The following NME5 variants were observed in gnomAD, a reference collection of about 807,000 sequenced individuals.
The protein encoded by NME5 is nucleoside diphosphate kinase 5.
In NME5, 18 loss-of-function variants were observed where a neutral mutation model predicts 21.6. That is an observed-to-expected ratio of 0.83 (90% CI 0.58 to 1.24). The LOEUF is 1.24. Among genes scored for constraint, NME5 ranks in the 50% most tolerant of loss-of-function variants. The probability of loss-of-function intolerance (pLI) is 0.00; values close to 1 mark genes in which losing one functional copy is unlikely to be tolerated. For synonymous variants in NME5, 70 were observed against 80.6 expected, an observed-to-expected ratio of 0.87 and a Z score of 0.71; for missense variants, 223 against 255.4, an observed-to-expected ratio of 0.87 and a Z score of 0.86.
chr5:138,115,467 G>A lies in NME5; in HGVS notation c.*214C>T. On this transcript the variant is annotated 3_prime_UTR_variant, in exon 6 of 6. Coordinates refer to ENST00000265191, the MANE Select transcript of NME5 (RefSeq NM_003551.3). Reference sequence around the variant, plus strand: ...TCTTACATGAGTTTTCCATTACCTAGTGTTACATCATTGTTAAAATCATAC... The same window carrying A: ...TCTTACATGAGTTTTCCATTACCTAATGTTACATCATTGTTAAAATCATAC... 1 of 363,690 alleles carries A rather than the reference G, an allele frequency of 2.7e-6. No individual in the cohort carries two copies. Among genetic ancestry groups the A allele is most frequent in the Non-Finnish European group, 4.9e-6 (1 of 204,526 alleles). The allele number at this position is 363,690 out of a possible 1,614,324, so 22.5% of individuals were successfully genotyped here.
chr5:138,123,130 TAAG>T (rs1751324643), intron 4 of NME5: 1 of 152,186 alleles, frequency 6.6e-6, no homozygotes, highest in South Asian at 2.1e-4. Context: ...TTTTAATAGA[TAAG>T]AAATATTGTA....
intron 4 of NME5, among the ~76,000 whole-genome samples, chr5:138,124,298 C>T (rs944882347): frequency 5.3e-5 from 8 of 151,830 alleles, no homozygotes; most frequent in African/African-American, 2.4e-5. Context: ...CCACCACACC[C>T]GGCCTTAAGC....
At chr5:138,121,065 A>G (rs1751276155) in intron 4 of NME5, among the ~76,000 whole-genome samples, 1 of 152,002 alleles carries the variant, frequency 6.6e-6, no homozygotes, top group South Asian at 2.1e-4. Context: ...AGTGGTTCAC[A>G]CTTGTAGTCC....
chr5:138,124,375 C>T (rs1751354014), intron 4 of NME5, among the ~76,000 whole-genome samples: 1 of 152,004 alleles, frequency 6.6e-6, no homozygotes, highest in African/African-American at 2.4e-5. Flanking sequence ...AAGTCCTTTG[C>T]CCATTTTTTA....
At chr5:138,133,169 C>T (rs1023061861) in intron 2 of NME5, among the ~76,000 whole-genome samples, 4 of 151,242 alleles carry the variant, frequency 2.6e-5, no homozygotes, top group African/African-American at 7.3e-5. Context: ...GGCGCGATCT[C>T]GGCTCACTGC....
chr5:138,138,255 G>T (rs1751756826), intron 2 of NME5: 1 of 158,510 alleles, frequency 6.3e-6, no homozygotes. Flanking sequence ...ATATTACACA[G>T]AAATTAGGAA....
intron 2 of NME5, among the ~76,000 whole-genome samples, chr5:138,130,403 CAT>C (rs1751533775): frequency 6.6e-6 from 1 of 152,082 alleles, no homozygotes; most frequent in Admixed American, 6.6e-5. Context: ...AAAAAAGTAA[CAT>C]GTAGTATAAT....
chr5:138,138,326 T>A (rs561862821), intron 2 of NME5: 1 of 233,562 alleles, frequency 4.3e-6, no homozygotes, highest in South Asian at 5.9e-5. Flanking sequence ...TGTAAAGGGG[T>A]CAAGGGAAAG....
chr5:138,128,432 C>T, intron 4 of NME5, 47 bp downstream of exon 4: 1 of 1,353,754 alleles, frequency 7.4e-7, no homozygotes, highest in Non-Finnish European at 1.0e-6. Context: ...AAAGAAAAAG[C>T]AAACAATAAG....
intron 2 of NME5, 60 bp from the exon 3 acceptor site, chr5:138,129,528 A>G: frequency 8.3e-7 from 1 of 1,202,994 alleles, no homozygotes; most frequent in Non-Finnish European, 1.2e-6. Context: ...ATAGCTCATT[A>G]AAATCATTAG....
At chr5:138,118,209 T>C (rs1751204940) in intron 5 of NME5, among the ~76,000 whole-genome samples, 1 of 150,854 alleles carries the variant, frequency 6.6e-6, no homozygotes, top group Non-Finnish European at 1.5e-5. Flanking sequence ...CACTGCAAGC[T>C]CCGCCTCCTG....
chr5:138,132,369 T>G (rs1029342530), intron 2 of NME5, among the ~76,000 whole-genome samples: 1 of 151,962 alleles, frequency 6.6e-6, no homozygotes, highest in African/African-American at 2.4e-5. Context: ...AAAAAATTAT[T>G]TATTACTGCT....
intron 2 of NME5, chr5:138,138,238 C>T (rs1298939284): frequency 6.4e-6 from 1 of 157,110 alleles, no homozygotes. Context: ...TTCTAATACA[C>T]AGGGAAATAT....
Position 138,118,941 on chromosome 5 carries a change from A to C in NME5, c.437-5T>G, listed in dbSNP as rs1751224212. ...TTGGAATGGGCTCAACAATCACTGCAAATACAAATGTATTCTCATTGATGC... is the reference window on the plus strand; with the variant it reads ...TTGGAATGGGCTCAACAATCACTGCCAATACAAATGTATTCTCATTGATGC... On this transcript the variant is annotated splice_polypyrimidine_tract_variant and splice_region_variant and intron_variant, in intron 4 of 5. Transcript: ENST00000265191. The C allele has an allele frequency of 6.9e-7, 1 of 1,455,146 alleles. No homozygotes were observed. Among genetic ancestry groups the C allele is most frequent in the African/African-American group, 1.4e-5 (1 of 71,782 alleles). 90.1% of individuals were successfully genotyped at this position (1,455,146 alleles called of 1,614,324 possible).
intron 4 of NME5, among the ~76,000 whole-genome samples, chr5:138,119,835 T>C (rs1414608986): frequency 6.6e-6 from 1 of 152,034 alleles, no homozygotes; most frequent in East Asian, 1.9e-4. Flanking sequence ...TATTTAGACA[T>C]AGGAGTTCTT....
chr5:138,120,099 CT>C (rs924867070), intron 4 of NME5, among the ~76,000 whole-genome samples: 3 of 150,662 alleles, frequency 2.0e-5, no homozygotes, highest in Non-Finnish European at 4.4e-5. Context: ...CCACACCCAG[CT>C]TTTTTTTTCT....
chr5:138,131,481 A>T (rs1346206862), intron 2 of NME5, among the ~76,000 whole-genome samples: 1 of 151,632 alleles, frequency 6.6e-6, no homozygotes, highest in Non-Finnish European at 1.5e-5. Flanking sequence ...CCCAGGAGGC[A>T]GAAGTTGTGG....
Position 138,121,244 on chromosome 5 carries a change from G to A in NME5, c.437-2308C>T, listed in dbSNP as rs191762365. Among the ~76,000 whole-genome samples the A allele has an allele frequency of 4.6e-3, 703 of 151,952 alleles. 3 individuals are homozygous for A. Among genetic ancestry groups the A allele is most frequent in the Non-Finnish European group, 7.5e-3 (509 of 67,972 alleles). On this transcript the variant is annotated intron_variant, in intron 4 of 5. Transcript: ENST00000265191. ...GTTCAATACCAGCCTGGGCAATATGGCGAGACTGCCTTTCTACAACAAAAA... is the reference window on the plus strand; with the variant it reads ...GTTCAATACCAGCCTGGGCAATATGACGAGACTGCCTTTCTACAACAAAAA...
At chr5:138,134,729 CTTTT>C (rs112868350) in intron 2 of NME5, among the ~76,000 whole-genome samples, 1 of 141,570 alleles carries the variant, frequency 7.1e-6, no homozygotes. Flanking sequence ...AAGTTTGTCA[CTTTT>C]TTTTTTTTTT....
Sources: allele counts gnomAD v4.1 joint callset (sites outside exome capture counted in the v4.1 genomes callset), GRCh38; gene constraint gnomAD v4.1.1; transcripts MANE v1.5; gene names NCBI Gene and HGNC (gene_info 2026-07-23, HGNC 2026-07-21).